The following GVQW3 variants were observed in gnomAD, a reference collection of about 807,000 sequenced individuals.
GVQW3 encodes protein GVQW3.
A neutral mutation model predicts 12.5 loss-of-function variants in GVQW3; 7 were observed. The ratio of observed to expected loss-of-function variants is 0.56; its 90% confidence interval spans 0.32 to 1.05. GVQW3 has a LOEUF of 1.05. GVQW3 is among the 50% of genes least tolerant of loss of function. The probability of loss-of-function intolerance (pLI) is 0.04; values close to 1 mark genes in which losing one functional copy is unlikely to be tolerated. For missense variants in GVQW3, 188 were observed against 190.8 expected (o/e 0.99, Z 0.09); for synonymous variants, 71 against 67.2 (o/e 1.06, Z -0.28).
rs1946968259 is a variant in GVQW3 at position 76,399,416 on chromosome 11, A to G, written c.466-4244A>G. Among the ~76,000 whole-genome samples, 3 of 152,204 alleles carry G rather than the reference A, an allele frequency of 2.0e-5. No homozygotes were observed. In the South Asian group the frequency reaches 6.2e-4, roughly 32 times the overall value. ...CTCGGCCTCCCAAAGTGCTGGGATT[A>G]CAGGCGTGAGCCACCATGCCTGAAC... is the stretch of plus-strand genomic sequence containing the variant. On this transcript the variant is annotated intron_variant, in intron 1 of 1. Transcript: ENST00000529331.
Position 76,403,817 on chromosome 11 carries a change from A to G in GVQW3, c.*59A>G, listed in dbSNP as rs550557442. The G allele has an allele frequency of 9.8e-5, 64 of 649,920 alleles. No homozygotes were observed. The highest frequency in any genetic ancestry group is 8.6e-4 in the African/African-American group (48 of 55,910). 40.3% of individuals were successfully genotyped at this position (649,920 alleles called of 1,614,324 possible). On this transcript the variant is annotated 3_prime_UTR_variant, in exon 2 of 2. Transcript: ENST00000529331. ...GGTGTAAATTCCAGTCTGAGTCCAC[A>G]GGCCGAAGAGCGAGGAGTGCTGATG...
chr11:76,390,650 C>T (rs923724128), intron 1 of GVQW3, among the ~76,000 whole-genome samples: 1 of 151,528 alleles, frequency 6.6e-6, no homozygotes, highest in African/African-American at 2.4e-5. Flanking sequence ...GGTGAAACCC[C>T]GTCTCTACTA....
In GVQW3 at chr11:76,407,334, C is replaced by T. The variant is rs957622067; in HGVS notation, c.*3576C>T. 1 of 152,036 alleles carries T rather than the reference C, an allele frequency of 6.6e-6. No individual in the cohort carries two copies. Among genetic ancestry groups the T allele is most frequent in the Admixed American group, 6.6e-5 (1 of 15,254 alleles). 9.4% of individuals were successfully genotyped at this position (152,036 alleles called of 1,614,324 possible). A position where few individuals can be genotyped will look rare whatever the true frequency, so the allele number is the denominator to read the frequency against. ...GTGGTTCACGCCTGTAATCCCAATACTTTGGGAGGCCGAGGTGGGCAGATC... is the reference window on the plus strand; with the variant it reads ...GTGGTTCACGCCTGTAATCCCAATATTTTGGGAGGCCGAGGTGGGCAGATC... On this transcript the variant is annotated 3_prime_UTR_variant, in exon 2 of 2. Transcript: ENST00000529331.
At chr11:76,390,967 T>C (rs894226895) in intron 1 of GVQW3, among the ~76,000 whole-genome samples, 2 of 152,208 alleles carry the variant, frequency 1.3e-5, no homozygotes, top group African/African-American at 4.8e-5. Context: ...GAGAATAATT[T>C]CTTCTGTGTA....
chr11:76,382,185 A>T lies in GVQW3; in HGVS notation c.357A>T (p.Ala119=), dbSNP rs762075933. Residue 119 remains alanine (A), a synonymous_variant, in exon 1 of 2, where the codon GCA becomes GCT. Coordinates refer to ENST00000529331, the MANE Select transcript of GVQW3 (RefSeq NM_001347885.2). ...KENLNMRKIS[A]KVISGVLKGE... Reference sequence around the variant, plus strand: ...ACTTGAACATGAGGAAGATTTCTGCAAAAGTTATTTCGGGTGTTTTGAAGG... The same window carrying T: ...ACTTGAACATGAGGAAGATTTCTGCTAAAGTTATTTCGGGTGTTTTGAAGG... 7.8e-6 allele frequency: 12 copies of T among 1,536,232 alleles called. No homozygotes were observed. The highest frequency in any genetic ancestry group is 1.0e-5 in the Non-Finnish European group (12 of 1,146,940).
downstream of GVQW3, among the ~76,000 whole-genome samples, chr11:76,408,897 C>T (rs1356320688): frequency 3.3e-5 from 5 of 152,134 alleles, no homozygotes; most frequent in Non-Finnish European, 7.4e-5. Context: ...TAGAGAAGCT[C>T]AAGATTGGAA....
downstream of GVQW3, among the ~76,000 whole-genome samples, chr11:76,410,709 T>C (rs1947073994): frequency 3.3e-5 from 5 of 152,232 alleles, no homozygotes; most frequent in South Asian, 1.0e-3. Context: ...GGATGCTGTC[T>C]CTGTGCTAAA....
rs559142639 is a variant in GVQW3 at position 76,381,644 on chromosome 11, C to G, written c.-185C>G. 3.6e-6 allele frequency: 2 copies of G among 556,510 alleles called. No individual in the cohort carries two copies. Among genetic ancestry groups the G allele is most frequent in the Admixed American group, 3.6e-5 (1 of 28,160 alleles). The allele number at this position is 556,510 out of a possible 1,614,324, so 34.5% of individuals were successfully genotyped here. ...CGACTGTTGGCTTCCCAGAACGGAT[C>G]TCCCCAGCCTCGACTGGAAGCTGAG... On this transcript the variant is annotated 5_prime_UTR_variant, in exon 1 of 2. It adds an upstream start codon to the 5' untranslated region. Coordinates refer to ENST00000529331, the MANE Select transcript of GVQW3 (RefSeq NM_001347885.2).
rs540766706 is a variant in GVQW3, at chr11:76,407,668, C to T, written c.*3910C>T. 1.4e-5 allele frequency: 2 copies of T among 145,614 alleles called. No homozygotes were observed. Among genetic ancestry groups the T allele is most frequent in the South Asian group, 4.5e-4 (2 of 4,446 alleles). The allele number at this position is 145,614 out of a possible 1,614,324, so 9.0% of individuals were successfully genotyped here. A position where few individuals can be genotyped will look rare whatever the true frequency, so the allele number is the denominator to read the frequency against. On this transcript the variant is annotated 3_prime_UTR_variant, in exon 2 of 2. Transcript: ENST00000529331. Reference sequence around the variant, plus strand: ...TTCTTAGGAATCTTTCTTAGGAAAACAGTCAGAGATGCAGACAAAGATTTA... The same window carrying T: ...TTCTTAGGAATCTTTCTTAGGAAAATAGTCAGAGATGCAGACAAAGATTTA...
chr11:76,390,752 G>T (rs1381082306), intron 1 of GVQW3, among the ~76,000 whole-genome samples: 1 of 152,032 alleles, frequency 6.6e-6, no homozygotes, highest in Non-Finnish European at 1.5e-5. Flanking sequence ...GCGTGAACCC[G>T]GGAGGCGGAG....
In GVQW3 at chr11:76,381,964, T is replaced by A; in HGVS notation, c.136T>A (p.Trp46Arg). 1 of 1,536,374 alleles carries A rather than the reference T, an allele frequency of 6.5e-7. No homozygotes were observed. The highest frequency in any genetic ancestry group is 8.7e-7 in the Non-Finnish European group (1 of 1,146,970). The change falls in exon 1 of 2, where the codon TGG (tryptophan) becomes AGG (arginine). Residue 46 changes from tryptophan to arginine, a missense_variant. Transcript: ENST00000529331. ...EVMSRARVFD[W>R]HKRFKEGRED... The stretch of plus-strand genomic sequence containing the variant: ...CATGTCAAGGGCCAGAGTTTTTGAC[T>A]GGCACAAAAGGTTTAAAGAAGGACG...
intron 1 of GVQW3, among the ~76,000 whole-genome samples, chr11:76,397,394 C>T (rs572910650): frequency 5.9e-5 from 9 of 152,238 alleles, no homozygotes; most frequent in East Asian, 3.9e-4. Context: ...AGGTTGTTTT[C>T]GGCTTTTGGC....
At position 76,394,710 on chromosome 11, in the gene GVQW3, A is replaced by G. The variant is rs553313464; in HGVS notation, c.466-8950A>G. ...GCTTTCTTTTGGGTATATACCTAAC[A>G]ATGGGATTGCTAGATTATATGGTAG... On this transcript the variant is annotated intron_variant, in intron 1 of 1. Coordinates refer to ENST00000529331, the MANE Select transcript of GVQW3 (RefSeq NM_001347885.2). Among the ~76,000 whole-genome samples the G allele has an allele frequency of 5.9e-5, 9 of 152,276 alleles. No homozygotes were observed. In the South Asian group the frequency reaches 1.9e-3, roughly 32 times the overall value.
intron 1 of GVQW3, among the ~76,000 whole-genome samples, chr11:76,388,943 G>A (rs1946864299): frequency 6.6e-6 from 1 of 152,126 alleles, no homozygotes; most frequent in South Asian, 2.1e-4. Context: ...AAGCAATTTG[G>A]CAATATCTAT....
At chr11:76,410,529 A>G (rs530143451), downstream of GVQW3, among the ~76,000 whole-genome samples, 14 of 152,242 alleles carry the variant, frequency 9.2e-5, no homozygotes, top group African/African-American at 3.4e-4. Flanking sequence ...TAAATCTCCA[A>G]GAGGTAGAAA....
At chr11:76,384,457 G>A (rs554725985) in intron 1 of GVQW3, among the ~76,000 whole-genome samples, 1 of 152,212 alleles carries the variant, frequency 6.6e-6, no homozygotes, top group Non-Finnish European at 1.5e-5. Flanking sequence ...TGAGTAGCTG[G>A]GATTACAGGT....
chr11:76,388,561 G>A (rs1215602266), intron 1 of GVQW3, among the ~76,000 whole-genome samples: 1 of 151,644 alleles, frequency 6.6e-6, no homozygotes, highest in Non-Finnish European at 1.5e-5. Flanking sequence ...AAGATTCTGT[G>A]TTAATTCACT....
At chr11:76,410,690 G>A (rs550518492), downstream of GVQW3, among the ~76,000 whole-genome samples, 1 of 152,330 alleles carries the variant, frequency 6.6e-6, no homozygotes, top group African/African-American at 2.4e-5. Context: ...AGGGCCTGGA[G>A]AGAGCTGAGG....
chr11:76,391,061 G>A (rs2134546267), intron 1 of GVQW3, among the ~76,000 whole-genome samples: 1 of 152,304 alleles, frequency 6.6e-6, no homozygotes, highest in African/African-American at 2.4e-5. Flanking sequence ...CTTCCTAACA[G>A]CTCCGGAATT....
Sources: allele counts gnomAD v4.1 joint callset (sites outside exome capture counted in the v4.1 genomes callset), GRCh38; gene constraint gnomAD v4.1.1; transcripts MANE v1.5; gene names NCBI Gene and HGNC (gene_info 2026-07-23, HGNC 2026-07-21).